GFPT2: variants seen among roughly 807,000 people sequenced by gnomAD.
The protein encoded by GFPT2 is glutamine--fructose-6-phosphate transaminase 2.
A neutral mutation model predicts 85.6 loss-of-function variants in GFPT2; 62 were observed. That is an observed-to-expected ratio of 0.72 (90% CI 0.59 to 0.90). The LOEUF is 0.90. GFPT2 is among the 40% of genes least tolerant of loss of function. The pLI is 0.00. For synonymous variants in GFPT2, 368 were observed against 344.5 expected, an observed-to-expected ratio of 1.07 and a Z score of -0.75; for missense variants, 788 against 893.4, an observed-to-expected ratio of 0.88 and a Z score of 1.50.
chr5:180,307,404 G>T, intron 15 of GFPT2, 101 bp from the exon 16 acceptor site: 2 of 1,107,462 alleles, frequency 1.8e-6, no homozygotes, highest in Non-Finnish European at 2.7e-6. Context: ...TTTTGAAACC[G>T]CATCACTTAG....
intron 1 of GFPT2, among the ~76,000 whole-genome samples, chr5:180,342,494 C>T (rs1335536046): frequency 6.7e-6 from 1 of 148,338 alleles, no homozygotes; most frequent in Non-Finnish European, 1.5e-5. Context: ...ACTGCAACCT[C>T]GAACTCCCAG....
intron 7 of GFPT2, among the ~76,000 whole-genome samples, chr5:180,325,177 A>G (rs1001367129): frequency 2.6e-5 from 4 of 152,136 alleles, no homozygotes; most frequent in African/African-American, 9.7e-5. Context: ...AAGTCCCCAC[A>G]TGTGACCAAC....
chr5:180,344,249 A>G (rs1764569082), intron 1 of GFPT2, among the ~76,000 whole-genome samples: 1 of 152,252 alleles, frequency 6.6e-6, no homozygotes, highest in Admixed American at 6.5e-5. Context: ...GAGCATTTCT[A>G]GAAGGGCACC....
chr5:180,324,444 G>T, intron 8 of GFPT2, 139 bp from the exon 9 acceptor site: 1 of 614,508 alleles, frequency 1.6e-6, no homozygotes, highest in South Asian at 2.0e-5. Context: ...GCCAAATCGT[G>T]TAAAAGATCC....
At position 180,314,561 on chromosome 5, in the gene GFPT2, A is replaced by C. The variant is rs970135018; in HGVS notation, c.1274-597T>G. ...TCAAATTAAATTCAGCATAAGCCAGACTATAAAATCAAAACTGTTGAAATC... is the reference window on the plus strand; with the variant it reads ...TCAAATTAAATTCAGCATAAGCCAGCCTATAAAATCAAAACTGTTGAAATC... On this transcript the variant is annotated intron_variant, in intron 13 of 18. Transcript: ENST00000253778. Among the ~76,000 whole-genome samples the C allele has an allele frequency of 7.2e-5, 11 of 152,350 alleles. No individual in the cohort carries two copies. In the East Asian group the frequency reaches 7.7e-4, roughly 11 times the overall value.
chr5:180,306,369 G>T (rs2127646369), intron 16 of GFPT2, among the ~76,000 whole-genome samples: 1 of 152,318 alleles, frequency 6.6e-6, no homozygotes, highest in African/African-American at 2.4e-5. Context: ...CCCTCGTCTT[G>T]GTGGCCAGTG....
chr5:180,331,023 A>G, intron 5 of GFPT2, 189 bp from the exon 6 acceptor site: 2 of 585,606 alleles, frequency 3.4e-6, no homozygotes, highest in Non-Finnish European at 6.0e-6. Flanking sequence ...GGAGGCCCTG[A>G]GATCATCCCA....
intron 16 of GFPT2, among the ~76,000 whole-genome samples, chr5:180,305,742 A>C (rs1763764190): frequency 6.6e-6 from 1 of 152,038 alleles, no homozygotes; most frequent in Non-Finnish European, 1.5e-5. Context: ...CTCAGCCCCC[A>C]CCCATGACGC....
rs73811444 is a variant in GFPT2, at chr5:180,336,316, C to T, written c.214+163G>A. 3.7e-3 allele frequency: 2,455 copies of T among 671,770 alleles called. 46 individuals carry two copies. The African/African-American group carries it at 0.041, about 11-fold the overall frequency. The allele number at this position is 671,770 out of a possible 1,614,324, so 41.6% of individuals were successfully genotyped here. A position where few individuals can be genotyped will look rare whatever the true frequency, so the allele number is the denominator to read the frequency against. ...CCGCCACCACCTAAAATAAACCATC[C>T]CATACCCTGCGAAGCCCGGTTTTAC... On this transcript the variant is annotated intron_variant, in intron 3 of 18. Transcript: ENST00000253778.
intron 16 of GFPT2, among the ~76,000 whole-genome samples, chr5:180,306,378 T>A (rs1484113707): frequency 1.3e-5 from 2 of 152,216 alleles, no homozygotes; most frequent in African/African-American, 2.4e-5. Flanking sequence ...TGGTGGCCAG[T>A]GCAGCCTCAG....
rs771042558 is a variant in GFPT2 at position 180,330,675 on chromosome 5, TAGAC to T, written c.534+21_534+24del. ...TTAATGAAAGAATGAAGGAATGAGT[TAGAC>T]AGATGGGATTTGTAACTCACCAACT... On this transcript the variant is annotated intron_variant, in intron 6 of 18. Transcript: ENST00000253778. The surrounding 1 kb of genome is among the most constrained non-coding windows in gnomAD (Gnocchi z 4.4). 6 of 1,593,348 alleles carry T rather than the reference TAGAC, an allele frequency of 3.8e-6. No individual in the cohort carries two copies. The South Asian group carries it at 4.4e-5, about 12-fold the overall frequency.
Position 180,335,873 on chromosome 5 carries a change from G to A in GFPT2, c.295C>T (p.Pro99Ser). The A allele has an allele frequency of 6.3e-7, 1 of 1,586,854 alleles. No homozygotes were observed. Among genetic ancestry groups the A allele is most frequent in the Non-Finnish European group, 8.5e-7 (1 of 1,171,710 alleles). ...AHTRWATHGV[P>S]SAVNSHPQRS... ...TGAGGGTGGCTGTTGACAGCACTGG[G>A]GACCCCGTGGGTGGCCCAGCGCGTG... Residue 99 changes from proline to serine, a missense_variant, in exon 4 of 19, where the codon CCC (proline) becomes TCC (serine). By Grantham distance (74) the Pro-to-Ser change is moderately conservative. Coordinates refer to ENST00000253778, the MANE Select transcript of GFPT2 (RefSeq NM_005110.4).
rs1454597213 is a variant in GFPT2, at chr5:180,323,196, A to C, written c.794+992T>G. Among the ~76,000 whole-genome samples, 1 of 152,190 alleles carries C rather than the reference A, an allele frequency of 6.6e-6. No homozygotes were observed. On this transcript the variant is annotated intron_variant, in intron 9 of 18. Transcript: ENST00000253778. This position sits in a 1 kb window ranked among gnomAD's most constrained non-coding sequence, Gnocchi z 4.0. ...AAATCTACAATTCTCCGTGTTTTAG[A>C]ATCACTGAAATAATACCAGCGTCTC...
At chr5:180,345,558 C>A (rs937241226) in intron 1 of GFPT2, among the ~76,000 whole-genome samples, 1 of 152,222 alleles carries the variant, frequency 6.6e-6, no homozygotes, top group Non-Finnish European at 1.5e-5. Context: ...TTCCCACCAC[C>A]TTCTCCAGCC....
At chr5:180,305,004 G>A in intron 16 of GFPT2, 65 bp from the exon 17 acceptor site, 1 of 1,091,610 alleles carries the variant, frequency 9.2e-7, no homozygotes, top group Non-Finnish European at 1.4e-6. Flanking sequence ...TCAGCCAGAG[G>A]GGAAGAAGGG....
chr5:180,312,370 G>T, intron 15 of GFPT2, 60 bp downstream of exon 15: 1 of 885,358 alleles, frequency 1.1e-6, no homozygotes, highest in South Asian at 1.3e-5. Context: ...AGTCAACAGA[G>T]AATGGCCAGC....
At chr5:180,352,239 G>C in intron 1 of GFPT2, 1 of 361,136 alleles carries the variant, frequency 2.8e-6, no homozygotes, top group South Asian at 2.1e-5. Flanking sequence ...CCCCACCCCG[G>C]CCCTCAGCAA....
At chr5:180,344,764 C>T (rs1402617612) in intron 1 of GFPT2, among the ~76,000 whole-genome samples, 1 of 152,220 alleles carries the variant, frequency 6.6e-6, no homozygotes, top group Admixed American at 6.5e-5. Flanking sequence ...CCAGGCCTGC[C>T]CTGGCCAGGC....
intron 1 of GFPT2, among the ~76,000 whole-genome samples, chr5:180,343,299 C>T (rs1031919716): frequency 1.3e-5 from 2 of 152,206 alleles, no homozygotes; most frequent in Non-Finnish European, 2.9e-5. Flanking sequence ...ACGTTCGGCA[C>T]GCTCCGCAAG....
Sources: gnomAD v4.1 joint callset for allele counts (sites outside exome capture counted in the v4.1 genomes callset) on GRCh38, gnomAD v4.1.1 for gene constraint, Gnocchi (gnomAD v3.1) non-coding constraint, MANE v1.5 for transcripts, NCBI Gene and HGNC (gene_info 2026-07-23, HGNC 2026-07-21) for gene names.